DCDC2: variants seen among roughly 807,000 people sequenced by gnomAD.
The protein encoded by DCDC2 is doublecortin domain-containing protein 2.
DCDC2 carries 40 observed loss-of-function variants against 50.2 expected under a neutral mutation model. That is an observed-to-expected ratio of 0.80 (90% CI 0.62 to 1.04). The LOEUF (loss-of-function observed/expected upper bound fraction) is 1.04, where lower values mean the gene tolerates loss of function less well. Ranked by LOEUF, DCDC2 falls within the 50% of genes least tolerant of loss-of-function variation. The probability of loss-of-function intolerance (pLI) is 0.00; values close to 1 mark genes in which losing one functional copy is unlikely to be tolerated. For missense variants in DCDC2, 570 were observed against 581.9 expected (o/e 0.98, Z 0.21); for synonymous variants, 234 against 210.6 (o/e 1.11, Z -0.96).
intron 2 of DCDC2, among the ~76,000 whole-genome samples, chr6:24,342,993 G>A (rs1019748199): frequency 7.3e-5 from 11 of 150,672 alleles, no homozygotes; most frequent in African/African-American, 2.7e-4. Context: ...TGGCACGTGA[G>A]TCTTTTTATA....
intron 7 of DCDC2, among the ~76,000 whole-genome samples, chr6:24,246,642 A>G (rs1026617906): frequency 5.9e-5 from 9 of 151,282 alleles, no homozygotes; most frequent in Non-Finnish European, 1.3e-4. Flanking sequence ...GTCAGCCACA[A>G]CGCCCAGCTA....
intron 9 of DCDC2, 121 bp from the exon 10 acceptor site, chr6:24,174,955 G>T (rs1285600089): frequency 7.9e-6 from 4 of 503,832 alleles, no homozygotes; most frequent in Non-Finnish European, 9.8e-6. Flanking sequence ...ACTAAAAAGA[G>T]TTCCTGGGGT....
intron 2 of DCDC2, among the ~76,000 whole-genome samples, chr6:24,336,815 C>T (rs551738822): frequency 1.2e-4 from 18 of 152,008 alleles, no homozygotes; most frequent in African/African-American, 4.3e-4. Context: ...CCCTTTGTAA[C>T]ATCAGCAACA....
At position 24,174,147 on chromosome 6, in the gene DCDC2, C is replaced by A. The variant is rs1225900894; in HGVS notation, c.*583G>T. 1 of 152,522 alleles carries A rather than the reference C, an allele frequency of 6.6e-6. No individual in the cohort carries two copies. The highest frequency in any genetic ancestry group is 2.4e-5 in the African/African-American group (1 of 41,436). 9.4% of individuals were successfully genotyped at this position (152,522 alleles called of 1,614,324 possible). A position where few individuals can be genotyped will look rare whatever the true frequency, so the allele number is the denominator to read the frequency against. Reference sequence around the variant, plus strand: ...TAACACTCTGAACCAATGCTTCCTCCCACCAAAATGAACGCCTTGCTCTGT... The same window carrying A: ...TAACACTCTGAACCAATGCTTCCTCACACCAAAATGAACGCCTTGCTCTGT... On this transcript the variant is annotated 3_prime_UTR_variant, in exon 10 of 10. Coordinates refer to ENST00000378454, the MANE Select transcript of DCDC2 (RefSeq NM_016356.5).
chr6:24,268,733 G>A lies in DCDC2; in HGVS notation c.922+9316C>T, dbSNP rs543815361. 1.9e-4 allele frequency among the ~76,000 whole-genome samples: 29 copies of A among 151,998 alleles called. 1 individual carries two copies. Among genetic ancestry groups the A allele is most frequent in the South Asian group, 6.3e-4 (3 of 4,792 alleles). The stretch of plus-strand genomic sequence containing the variant: ...ACTACAGGCATGCGACACTATGCCC[G>A]GCTAATTTTTGTATTTTTAGTAGAG... On this transcript the variant is annotated intron_variant, in intron 7 of 9. Transcript: ENST00000378454.
At chr6:24,191,807 A>G (rs768003699) in intron 8 of DCDC2, among the ~76,000 whole-genome samples, 1 of 152,228 alleles carries the variant, frequency 6.6e-6, no homozygotes, top group Non-Finnish European at 1.5e-5. Flanking sequence ...ATAAGGACAC[A>G]GAAGAGTGGA....
At chr6:24,231,566 C>A (rs74949109) in intron 7 of DCDC2, among the ~76,000 whole-genome samples, 1 of 152,130 alleles carries the variant, frequency 6.6e-6, no homozygotes, top group Non-Finnish European at 1.5e-5. Flanking sequence ...CCTCCCCTCC[C>A]CCATCCTCCA....
intron 8 of DCDC2, among the ~76,000 whole-genome samples, chr6:24,191,139 C>G (rs569770636): frequency 3.9e-5 from 6 of 152,270 alleles, no homozygotes; most frequent in Admixed American, 2.0e-4. Flanking sequence ...TTAGTAAATG[C>G]ATTTCATTGA....
At chr6:24,337,413 T>C (rs559577148) in intron 2 of DCDC2, among the ~76,000 whole-genome samples, 24 of 152,056 alleles carry the variant, frequency 1.6e-4, no homozygotes, top group African/African-American at 5.1e-4. Context: ...AGGGAATATT[T>C]GCAAAGCCAA....
At chr6:24,292,567 T>C (rs1242828457) in intron 4 of DCDC2, among the ~76,000 whole-genome samples, 3 of 152,270 alleles carry the variant, frequency 2.0e-5, no homozygotes, top group South Asian at 4.1e-4. Flanking sequence ...CAGAATTCTA[T>C]GTTTTTTGCC....
intron 7 of DCDC2, among the ~76,000 whole-genome samples, chr6:24,275,174 A>G (rs1763325246): frequency 6.6e-6 from 1 of 151,942 alleles, no homozygotes; most frequent in African/African-American, 2.4e-5. Flanking sequence ...TCTAATTACT[A>G]AAATATATGA....
intron 8 of DCDC2, among the ~76,000 whole-genome samples, chr6:24,183,443 C>T (rs1258801999): frequency 6.6e-6 from 1 of 152,100 alleles, no homozygotes; most frequent in Non-Finnish European, 1.5e-5. Context: ...GAGAGTTTTC[C>T]TTTACCAAGA....
chr6:24,176,681 G>T (rs1349906891), intron 9 of DCDC2, among the ~76,000 whole-genome samples: 1 of 152,042 alleles, frequency 6.6e-6, no homozygotes, highest in East Asian at 1.9e-4. Context: ...GTTATTATAC[G>T]TTAGACACCT....
chr6:24,247,774 T>C (rs1027971680), intron 7 of DCDC2, among the ~76,000 whole-genome samples: 1 of 152,316 alleles, frequency 6.6e-6, no homozygotes. Flanking sequence ...CATAGCTGTG[T>C]ACTCTTAAAA....
intron 4 of DCDC2, among the ~76,000 whole-genome samples, chr6:24,300,693 G>A (rs540184814): frequency 2.6e-5 from 4 of 152,146 alleles, no homozygotes; most frequent in South Asian, 2.1e-4. Context: ...ATTTTATCAC[G>A]TGTGTATGAA....
chr6:24,367,760 A>G, the DCDC2 span, among the ~76,000 whole-genome samples: 2 of 119,962 alleles, frequency 1.7e-5, no homozygotes, highest in South Asian at 4.7e-4. Context: ...ATGAATATAC[A>G]GTAAAAAAAC....
At chr6:24,220,700 T>C (rs1395448447) in intron 7 of DCDC2, among the ~76,000 whole-genome samples, 3 of 152,200 alleles carry the variant, frequency 2.0e-5, no homozygotes, top group African/African-American at 7.2e-5. Context: ...TCTGTTTTCA[T>C]ACTGCTATGA....
intron 8 of DCDC2, among the ~76,000 whole-genome samples, chr6:24,178,915 AAG>A (rs1338460393): frequency 6.6e-6 from 1 of 152,196 alleles, no homozygotes; most frequent in African/African-American, 2.4e-5. Flanking sequence ...ATCCCACAGA[AAG>A]AGCCAGAGTT....
intron 5 of DCDC2, 27 bp from the exon 6 acceptor site, chr6:24,288,933 A>G: frequency 6.5e-7 from 1 of 1,546,986 alleles, no homozygotes; most frequent in Non-Finnish European, 8.8e-7. Flanking sequence ...CAATTTAGAA[A>G]TCTGAATGTT....
Sources: gnomAD v4.1 joint callset for allele counts (sites outside exome capture counted in the v4.1 genomes callset) on GRCh38, gnomAD v4.1.1 for gene constraint, MANE v1.5 for transcripts, NCBI Gene and HGNC (gene_info 2026-07-23, HGNC 2026-07-21) for gene names.